The following SIM2 variants were observed in gnomAD, a reference collection of about 807,000 sequenced individuals.
SIM2 encodes single-minded homolog 2.
SIM2 carries 28 observed loss-of-function variants against 64.8 expected under a neutral mutation model. The observed-to-expected ratio is 0.43, with a 90% CI of 0.32 to 0.59. SIM2 has a LOEUF of 0.59. Ranked by LOEUF, SIM2 falls within the 20% of genes least tolerant of loss-of-function variation. The probability of loss-of-function intolerance (pLI) is 0.07; values close to 1 mark genes in which losing one functional copy is unlikely to be tolerated. For synonymous variants in SIM2, 408 were observed against 391.1 expected (o/e 1.04, Z -0.51); for missense variants, 847 against 871.4 (o/e 0.97, Z 0.35).
At chr21:36,721,311 A>C (rs1281205201) in intron 4 of SIM2, among the ~76,000 whole-genome samples, 1 of 152,250 alleles carries the variant, frequency 6.6e-6, no homozygotes. Flanking sequence ...GCTAGGCTAG[A>C]ACATCGCACC....
chr21:36,742,407 T>C (rs1282508181), intron 8 of SIM2, among the ~76,000 whole-genome samples: 2 of 151,556 alleles, frequency 1.3e-5, no homozygotes, highest in African/African-American at 4.9e-5. Flanking sequence ...TGCCTTTTTT[T>C]TTTTGTAAAT....
intron 7 of SIM2, among the ~76,000 whole-genome samples, chr21:36,739,673 T>C (rs1432080942): frequency 1.3e-5 from 2 of 151,986 alleles, no homozygotes; most frequent in Non-Finnish European, 2.9e-5. Flanking sequence ...TGTCAGAGGG[T>C]GTGAGCTATC....
At chr21:36,743,744 C>T (rs1033167471) in intron 9 of SIM2, among the ~76,000 whole-genome samples, 189 bp downstream of exon 9, 9 of 152,280 alleles carry the variant, frequency 5.9e-5, no homozygotes, top group Admixed American at 5.9e-4. Flanking sequence ...TCCCGGTGGG[C>T]TAGTCAAGTT....
In SIM2 at chr21:36,747,651, G is replaced by A. The variant is rs950593790; in HGVS notation, c.1577-14G>A. 16 of 1,239,500 alleles carry A rather than the reference G, an allele frequency of 1.3e-5. No individual in the cohort carries two copies. Among genetic ancestry groups the A allele is most frequent in the Non-Finnish European group, 1.6e-5 (16 of 992,690 alleles). The allele number at this position is 1,239,500 out of a possible 1,614,324, so 76.8% of individuals were successfully genotyped here. On this transcript the variant is annotated splice_polypyrimidine_tract_variant and intron_variant, in intron 10 of 10. Transcript: ENST00000290399. The surrounding 1 kb of genome is among the most constrained non-coding windows in gnomAD (Gnocchi z 4.5). ...GCCCCTTGCTGCCCTCTAACGTGTC[G>A]CCTGTCCCCGCAGCGCCCGCCGCCG... is the stretch of plus-strand genomic sequence containing the variant.
In SIM2 at chr21:36,728,474, C is replaced by T. The variant is rs548888817; in HGVS notation, c.743+2156C>T. ...TTTGCAGCGCCAGAGGGGGCTCCCG[C>T]GTCTCAGGGTGTAGGGGCTGCACCC... On this transcript the variant is annotated intron_variant, in intron 6 of 10. Transcript: ENST00000290399. 2.4e-4 allele frequency among the ~76,000 whole-genome samples: 37 copies of T among 152,320 alleles called. No homozygotes were observed. The South Asian group carries it at 6.0e-3, about 25-fold the overall frequency.
At chr21:36,708,193 G>A (rs1011295741) in intron 1 of SIM2, among the ~76,000 whole-genome samples, 4 of 152,224 alleles carry the variant, frequency 2.6e-5, no homozygotes, top group Non-Finnish European at 5.9e-5. Flanking sequence ...CCGGCGGAAA[G>A]ATTCCGGGGA....
chr21:36,731,047 TG>T lies in SIM2; in HGVS notation c.747del (p.Thr250ProfsTer3). On this transcript the variant is annotated frameshift_variant, in exon 7 of 11. Transcript: ENST00000290399. LOFTEE classifies it high-confidence loss of function. ...DLKLIFLDSR[V>X]TEVTGYEPQD... The stretch of plus-strand genomic sequence containing the variant: ...ACTGAGCTGCCATGCCCCCACAGGG[TG>T]ACCGAGGTGACGGGGTACGAGCCGC... The T allele has an allele frequency of 6.2e-7, 1 of 1,613,420 alleles. No individual in the cohort carries two copies. The highest frequency in any genetic ancestry group is 8.5e-7 in the Non-Finnish European group (1 of 1,179,514).
intron 7 of SIM2, among the ~76,000 whole-genome samples, chr21:36,731,489 T>C (rs1601703508): frequency 6.6e-6 from 1 of 152,298 alleles, no homozygotes; most frequent in Non-Finnish European, 1.5e-5. Context: ...GTTATGGAGC[T>C]CTTACTGCTG....
Position 36,745,903 on chromosome 21 carries a change from GTT to G in SIM2, c.1576+769_1576+770del. On this transcript the variant is annotated intron_variant, in intron 10 of 10. Transcript: ENST00000290399. This position sits in a 1 kb window ranked among gnomAD's most constrained non-coding sequence, Gnocchi z 4.8. Reference sequence around the variant, plus strand: ...CAGAAGGTGGAAGGTGGGAACAGAGGTTTAGCTGCAGGACATGTATTCCCATT... The same window carrying G: ...CAGAAGGTGGAAGGTGGGAACAGAGGTAGCTGCAGGACATGTATTCCCATT... The G allele has an allele frequency of 7.7e-7, 1 of 1,291,950 alleles. No individual in the cohort carries two copies. The highest frequency in any genetic ancestry group is 1.2e-5 in the South Asian group (1 of 80,304). The allele number at this position is 1,291,950 out of a possible 1,614,324, so 80.0% of individuals were successfully genotyped here. A position where few individuals can be genotyped will look rare whatever the true frequency, so the allele number is the denominator to read the frequency against.
intron 6 of SIM2, among the ~76,000 whole-genome samples, chr21:36,729,071 C>A (rs2123470130): frequency 6.6e-6 from 1 of 152,290 alleles, no homozygotes. Flanking sequence ...GGGCACCTTG[C>A]CAAACCCCTC....
intron 1 of SIM2, among the ~76,000 whole-genome samples, chr21:36,702,324 C>A (rs2088512503): frequency 6.6e-6 from 1 of 152,180 alleles, no homozygotes; most frequent in South Asian, 2.1e-4. Flanking sequence ...AGCTGTTTGG[C>A]CCTAGAGTTT....
Position 36,712,568 on chromosome 21 carries a change from T to G in SIM2, c.294T>G (p.Asp98Glu). The G allele has an allele frequency of 6.2e-7, 1 of 1,613,972 alleles. No individual in the cohort carries two copies. The highest frequency in any genetic ancestry group is 8.5e-7 in the Non-Finnish European group (1 of 1,179,870). Residue 98 changes from aspartate (D) to glutamate (E), a missense_variant, in exon 3 of 11, where the codon GAT (aspartate) becomes GAG (glutamate). Physicochemically the swap from Asp to Glu is conservative, Grantham distance 45 (BLOSUM62 2). Around this residue, in one of 3 missense-constraint regions of SIM2, gnomAD observed 397 missense variants for 439.2 expected, o/e 0.90. Coordinates refer to ENST00000290399, the MANE Select transcript of SIM2 (RefSeq NM_005069.6). ...GATTTGTTTTTGTGGTAGCATCTGA[T>G]GGCAAAATCATGTATATATCCGAGA... Reference protein sequence around the residue: ...LDGFVFVVASDGKIMYISETA... With the variant: ...LDGFVFVVASEGKIMYISETA...
intron 6 of SIM2, 31 bp from the exon 7 acceptor site, chr21:36,731,014 C>T (rs781203530): frequency 4.0e-6 from 6 of 1,508,600 alleles, no homozygotes; most frequent in East Asian, 2.3e-5. Flanking sequence ...TGCAGAGTGG[C>T]GTAACTCACT....
chr21:36,726,002 G>C lies in SIM2; in HGVS notation c.544-117G>C. The C allele has an allele frequency of 1.2e-6, 1 of 806,780 alleles. No homozygotes were observed. Among genetic ancestry groups the C allele is most frequent in the Non-Finnish European group, 2.1e-6 (1 of 486,864 alleles). 50.0% of individuals were successfully genotyped at this position (806,780 alleles called of 1,614,324 possible). A position where few individuals can be genotyped will look rare whatever the true frequency, so the allele number is the denominator to read the frequency against. On this transcript the variant is annotated intron_variant, in intron 5 of 10. Coordinates refer to ENST00000290399, the MANE Select transcript of SIM2 (RefSeq NM_005069.6). This position sits in a 1 kb window ranked among gnomAD's most constrained non-coding sequence, Gnocchi z 4.5. ...GCCTGTCAGCACATTGGGCCGCACA[G>C]TGGAGTAGAGGCTGGGCTGGGAGAT...
In SIM2 at chr21:36,743,387, G is replaced by T; in HGVS notation, c.999G>T (p.Thr333=). 1 of 1,610,926 alleles carries T rather than the reference G, an allele frequency of 6.2e-7. No homozygotes were observed. The highest frequency in any genetic ancestry group is 8.5e-7 in the Non-Finnish European group (1 of 1,178,844). Residue 333 remains threonine (T), a splice_region_variant and synonymous_variant, in exon 9 of 11, where the codon ACG becomes ACT. Transcript: ENST00000290399. The part of the protein sequence containing the change: ...HCIVSVNYVL[T]EIEYKELQLS... ...GACTCGGCCCACTCTCGCCTTCCAG[G>T]GAGATTGAATACAAGGAACTTCAGC...
At position 36,745,184 on chromosome 21, in the gene SIM2, G is replaced by T. The variant is rs201454422; in HGVS notation, c.1576+48G>T. On this transcript the variant is annotated intron_variant, in intron 10 of 10. Coordinates refer to ENST00000290399, the MANE Select transcript of SIM2 (RefSeq NM_005069.6). The surrounding 1 kb of genome is among the most constrained non-coding windows in gnomAD (Gnocchi z 4.8). ...GAAGGTGGGAGGACTGCGCACGGCC[G>T]GGAGCCGAAGCAGCCATGGCGGTGG... 6.4e-7 allele frequency: 1 copy of T among 1,560,868 alleles called. No homozygotes were observed. Among genetic ancestry groups the T allele is most frequent in the Non-Finnish European group, 8.7e-7 (1 of 1,153,024 alleles).
chr21:36,727,032 T>A (rs2088902181), intron 6 of SIM2, among the ~76,000 whole-genome samples: 1 of 152,204 alleles, frequency 6.6e-6, no homozygotes, highest in African/African-American at 2.4e-5. Flanking sequence ...AAGTGAATTT[T>A]AATTTTAATT....
Position 36,726,037 on chromosome 21 carries a change from T to A in SIM2, c.544-82T>A. 2 of 1,137,942 alleles carry A rather than the reference T, an allele frequency of 1.8e-6. No individual in the cohort carries two copies. Among genetic ancestry groups the A allele is most frequent in the Non-Finnish European group, 2.6e-6 (2 of 765,294 alleles). The allele number at this position is 1,137,942 out of a possible 1,614,324, so 70.5% of individuals were successfully genotyped here. On this transcript the variant is annotated intron_variant, in intron 5 of 10. Transcript: ENST00000290399. The surrounding 1 kb of genome is among the most constrained non-coding windows in gnomAD (Gnocchi z 4.5). Reference sequence around the variant, plus strand: ...GGCTGGGCTGGGAGATATTCTAGCATGTTTGAGAAAATGAGCCAGGAGGAG... The same window carrying A: ...GGCTGGGCTGGGAGATATTCTAGCAAGTTTGAGAAAATGAGCCAGGAGGAG...
intron 3 of SIM2, among the ~76,000 whole-genome samples, chr21:36,715,484 T>G (rs2088735061): frequency 6.6e-6 from 1 of 152,218 alleles, no homozygotes; most frequent in African/African-American, 2.4e-5. Context: ...TAATAAAATT[T>G]TACCCAGTAG....
Sources: allele counts gnomAD v4.1 joint callset (sites outside exome capture counted in the v4.1 genomes callset), GRCh38; gene constraint gnomAD v4.1.1; regional missense constraint gnomAD v4.1.1; non-coding constraint Gnocchi (gnomAD v3.1); transcripts MANE v1.5; gene names NCBI Gene and HGNC (gene_info 2026-07-23, HGNC 2026-07-21).